MICU2: variants seen among roughly 807,000 people sequenced by gnomAD.
MICU2 encodes the protein calcium uptake protein 2, mitochondrial.
MICU2 carries 64 observed loss-of-function variants against 60.4 expected under a neutral mutation model. The ratio of observed to expected loss-of-function variants is 1.06; its 90% CI spans 0.87 to 1.31. MICU2 has a LOEUF of 1.31. Among genes scored for constraint, MICU2 ranks in the 50% most tolerant of loss-of-function variants. The pLI is 0.00. For missense variants in MICU2, 569 were observed against 531.0 expected (o/e 1.07, Z -0.70); for synonymous variants, 201 against 175.0 (o/e 1.15, Z -1.17).
chr13:21,529,849 ACT>A (rs1438857369), intron 4 of MICU2, among the ~76,000 whole-genome samples: 9 of 152,046 alleles, frequency 5.9e-5, no homozygotes, highest in Admixed American at 3.3e-4. Flanking sequence ...AATTAGGGAC[ACT>A]CTTCTTCCAG....
chr13:21,512,485 T>C (rs1414150150), intron 7 of MICU2, among the ~76,000 whole-genome samples: 1 of 150,004 alleles, frequency 6.7e-6, no homozygotes, highest in Non-Finnish European at 1.5e-5. Context: ...TCTCGCTCTG[T>C]TGCCCAGGCT....
intron 7 of MICU2, among the ~76,000 whole-genome samples, chr13:21,511,453 G>A (rs1886425652): frequency 6.6e-6 from 1 of 152,150 alleles, no homozygotes; most frequent in Admixed American, 6.5e-5. Context: ...GAACAAATAA[G>A]TATTTCTCAT....
In MICU2 at chr13:21,493,327, T is replaced by C; in HGVS notation, c.1227A>G (p.Glu409=). The C allele has an allele frequency of 5.6e-6, 9 of 1,610,144 alleles. No individual in the cohort carries two copies. Among genetic ancestry groups the C allele is most frequent in the Non-Finnish European group, 7.6e-6 (9 of 1,178,518 alleles). Residue 409 remains glutamate, a synonymous_variant, in exon 12 of 12, where the codon GAA becomes GAG. Transcript: ENST00000382374. ...TTTCTTTCTTCACACACTTCCAGTA[T>C]TCTTGTATACTCTGATGTTGTGGTA... The part of the protein sequence containing the change: ...LWVPQHQSIQ[E]YWKCVKKESI...
At chr13:21,576,650 C>CTCAGACTTCCATA (rs1888233438) in intron 1 of MICU2, among the ~76,000 whole-genome samples, 1 of 152,188 alleles carries the variant, frequency 6.6e-6, no homozygotes, top group Non-Finnish European at 1.5e-5. Flanking sequence ...CTGTGACCCA[C>CTCAGACTTCCATA]TCAGACTTCC....
At chr13:21,500,417 A>ATTTTTT (rs10608018) in intron 9 of MICU2, among the ~76,000 whole-genome samples, 4 of 124,960 alleles carry the variant, frequency 3.2e-5, no homozygotes, top group African/African-American at 1.2e-4. Context: ...ATACCTACTG[A>ATTTTTT]TTTTTTTTTT....
At chr13:21,497,095 C>G (rs896184239) in intron 9 of MICU2, among the ~76,000 whole-genome samples, 2 of 149,658 alleles carry the variant, frequency 1.3e-5, no homozygotes, top group Admixed American at 6.7e-5. Flanking sequence ...AACAAACGGG[C>G]TGGGTGCTGT....
In MICU2 at chr13:21,561,950, G is replaced by A. The variant is rs1196184797; in HGVS notation, c.358+4847C>T. Among the ~76,000 whole-genome samples, 6 of 143,582 alleles carry A rather than the reference G, an allele frequency of 4.2e-5. No homozygotes were observed. The Admixed American group carries it at 4.4e-4, about 10-fold the overall frequency. The allele number at this position is 143,582 out of a possible 152,430, so 94.2% of individuals were successfully genotyped here. A position where few individuals can be genotyped will look rare whatever the true frequency, so the allele number is the denominator to read the frequency against. On this transcript the variant is annotated intron_variant, in intron 2 of 11. Transcript: ENST00000382374. ...TTGTTCAATTCCCATCTATGAGTGA[G>A]AACATGCAGTGTTTGGTTTTTTGTC...
chr13:21,551,324 G>A (rs1414658210), intron 2 of MICU2: 5 of 152,318 alleles, frequency 3.3e-5, no homozygotes, highest in Non-Finnish European at 7.3e-5. Context: ...AATGCTTCAC[G>A]AATTTACGTG....
chr13:21,560,534 C>G (rs1386890819), intron 2 of MICU2, among the ~76,000 whole-genome samples: 1 of 152,050 alleles, frequency 6.6e-6, no homozygotes. Flanking sequence ...ATAGAGTTAA[C>G]TTCTCCATTT....
At chr13:21,501,927 C>T (rs770979710) in intron 9 of MICU2, among the ~76,000 whole-genome samples, 2 of 152,128 alleles carry the variant, frequency 1.3e-5, no homozygotes, top group African/African-American at 2.4e-5. Flanking sequence ...AATGGAACTG[C>T]GGCATGACTG....
At chr13:21,501,388 G>A (rs779644613) in intron 9 of MICU2, among the ~76,000 whole-genome samples, 13 of 151,680 alleles carry the variant, frequency 8.6e-5, no homozygotes, top group African/African-American at 2.7e-4. Context: ...TCAGCCTCCC[G>A]AGTAGCTGGG....
chr13:21,542,753 A>T (rs1887315120), intron 2 of MICU2, among the ~76,000 whole-genome samples: 1 of 152,200 alleles, frequency 6.6e-6, no homozygotes, highest in African/African-American at 2.4e-5. Context: ...TAGAGATTCC[A>T]CCATGTGGTT....
chr13:21,593,501 TAAAAA>T (rs71093337), intron 1 of MICU2, among the ~76,000 whole-genome samples: 1 of 127,978 alleles, frequency 7.8e-6, no homozygotes, highest in Admixed American at 7.6e-5. Context: ...TTCCCAGAAT[TAAAAA>T]AAAAACACAA....
intron 8 of MICU2, among the ~76,000 whole-genome samples, chr13:21,509,267 A>G (rs1281174152): frequency 6.6e-6 from 1 of 152,212 alleles, no homozygotes; most frequent in Non-Finnish European, 1.5e-5. Flanking sequence ...GGTAAGCATT[A>G]TTATGTCTAC....
intron 6 of MICU2, among the ~76,000 whole-genome samples, chr13:21,520,121 T>C (rs551954966): frequency 1.2e-4 from 19 of 152,334 alleles, no homozygotes; most frequent in African/African-American, 4.3e-4. Context: ...TACTCGTCCA[T>C]GTTGCTGCAT....
At chr13:21,549,435 T>C (rs1465768910) in intron 2 of MICU2, among the ~76,000 whole-genome samples, 1 of 152,114 alleles carries the variant, frequency 6.6e-6, no homozygotes, top group Admixed American at 6.5e-5. Flanking sequence ...TAAGATTCAT[T>C]TGTGGAATTT....
At chr13:21,554,389 T>C (rs1290441510) in intron 2 of MICU2, among the ~76,000 whole-genome samples, 1 of 152,090 alleles carries the variant, frequency 6.6e-6, no homozygotes, top group Non-Finnish European at 1.5e-5. Context: ...CACTCAAAAC[T>C]GCTCAACTAC....
intron 2 of MICU2, among the ~76,000 whole-genome samples, chr13:21,544,664 C>A (rs1224164775): frequency 6.6e-6 from 1 of 152,006 alleles, no homozygotes; most frequent in Non-Finnish European, 1.5e-5. Context: ...AAAAGGAATT[C>A]TTTTTTGAGA....
intron 1 of MICU2, among the ~76,000 whole-genome samples, chr13:21,586,182 C>T (rs567818447): frequency 1.5e-4 from 23 of 152,256 alleles, no homozygotes; most frequent in Middle Eastern, 3.4e-3. Flanking sequence ...CTGGGTTACC[C>T]GCTCCAGTAG....
Sources: gnomAD v4.1 joint callset for allele counts (sites outside exome capture counted in the v4.1 genomes callset) on GRCh38, gnomAD v4.1.1 for gene constraint, MANE v1.5 for transcripts, NCBI Gene and HGNC (gene_info 2026-07-23, HGNC 2026-07-21) for gene names.